The following SLC35D1 variants were observed in gnomAD, a reference collection of about 807,000 sequenced individuals.
SLC35D1 encodes nucleotide sugar transporter SLC35D1.
Under a neutral mutation model 46.7 loss-of-function variants are expected in SLC35D1, and 31 were observed. The observed-to-expected ratio is 0.66, with a 90% CI of 0.50 to 0.90. The LOEUF (loss-of-function observed/expected upper bound fraction) is 0.90. SLC35D1 is among the 40% of genes least tolerant of loss of function. The pLI is 0.00. For synonymous variants in SLC35D1, 195 were observed against 164.6 expected (o/e 1.18, Z -1.41); for missense variants, 397 against 426.2 (o/e 0.93, Z 0.60).
chr1:66,994,268 G>A, the SLC35D1 span, among the ~76,000 whole-genome samples: 7 of 152,262 alleles, frequency 4.6e-5, no homozygotes, highest in South Asian at 2.1e-4. Flanking sequence ...CACTATTAGC[G>A]CTGCAGCACC....
chr1:66,975,744 C>T, the SLC35D1 span, among the ~76,000 whole-genome samples: 1 of 151,964 alleles, frequency 6.6e-6, no homozygotes, highest in Non-Finnish European at 1.5e-5. Context: ...CACAGTAAGC[C>T]GCAAGAGTAA....
At position 67,009,134 on chromosome 1, in the gene SLC35D1, C is replaced by A; in HGVS notation, c.910G>T (p.Gly304Cys). 1 of 1,493,338 alleles carries A rather than the reference C, an allele frequency of 6.7e-7. No individual in the cohort carries two copies. The highest frequency in any genetic ancestry group is 9.3e-7 in the Non-Finnish European group (1 of 1,075,074). The allele number at this position is 1,493,338 out of a possible 1,614,324, so 92.5% of individuals were successfully genotyped here. ...ILITYIGMVF[G>C]GDYIFTWTNF... ...GTCCACGTGAAAATATAATCTCCACCAAAGACCATTCCAATATAAGTTATT... is the reference window on the plus strand; with the variant it reads ...GTCCACGTGAAAATATAATCTCCACAAAAGACCATTCCAATATAAGTTATT... Residue 304 changes from glycine to cysteine, a missense_variant, in exon 11 of 12, where the codon GGT (glycine) becomes TGT (cysteine). Physicochemically the swap from Gly to Cys is radical, Grantham distance 159. Transcript: ENST00000235345.
intron 10 of SLC35D1, among the ~76,000 whole-genome samples, chr1:67,012,148 G>C (rs1236632822): frequency 6.6e-6 from 1 of 152,148 alleles, no homozygotes; most frequent in African/African-American, 2.4e-5. Context: ...AGGACAGTCT[G>C]TCATAAAGTC....
At chr1:66,991,075 G>C in the SLC35D1 span, among the ~76,000 whole-genome samples, 1 of 152,172 alleles carries the variant, frequency 6.6e-6, no homozygotes, top group African/African-American at 2.4e-5. Context: ...GTTGCCCTTT[G>C]TACCGCTGCC....
chr1:66,990,193 T>C, the SLC35D1 span, among the ~76,000 whole-genome samples: 1 of 152,212 alleles, frequency 6.6e-6, no homozygotes, highest in Non-Finnish European at 1.5e-5. Flanking sequence ...TCCTTTGTTG[T>C]CTTATGCATT....
At chr1:66,977,321 G>T in the SLC35D1 span, among the ~76,000 whole-genome samples, 2 of 151,936 alleles carry the variant, frequency 1.3e-5, no homozygotes, top group African/African-American at 4.8e-5. Context: ...TGTTGACCAG[G>T]CTGGTCTTGA....
At chr1:66,987,014 C>T in the SLC35D1 span, 1 of 151,574 alleles carries the variant, frequency 6.6e-6, no homozygotes, top group Admixed American at 6.6e-5. Context: ...TTCTTGCAAA[C>T]TCTTACTACA....
chr1:67,023,485 CATT>C (rs1299103097), intron 8 of SLC35D1, among the ~76,000 whole-genome samples: 2 of 97,664 alleles, frequency 2.0e-5, no homozygotes, highest in African/African-American at 9.0e-5. Flanking sequence ...AATCTTTTGC[CATT>C]TTTTTTTTTT....
chr1:67,023,619 G>A (rs1289246795), intron 8 of SLC35D1, among the ~76,000 whole-genome samples: 1 of 151,734 alleles, frequency 6.6e-6, no homozygotes, highest in African/African-American at 2.4e-5. Context: ...CCGGGTAGCT[G>A]GGATTACAGG....
the SLC35D1 span, chr1:66,985,324 C>G: frequency 2.1e-5 from 21 of 985,244 alleles, no homozygotes; most frequent in Non-Finnish European, 2.5e-5. Flanking sequence ...CTGCTTAATA[C>G]CAATTTCTCT....
chr1:67,013,157 G>GATATATATATATATAT lies in SLC35D1; in HGVS notation c.877-3991_877-3990insATATATATATATATAT, dbSNP rs964691631. On this transcript the variant is annotated intron_variant, in intron 10 of 11. Coordinates refer to ENST00000235345, the MANE Select transcript of SLC35D1 (RefSeq NM_015139.3). ...ATAATTTAAGAACATATATCCTGGA[G>GATATATATATATATAT]ATATATATATATCCTGTTCTTAAAT... 3.7e-4 allele frequency among the ~76,000 whole-genome samples: 11 copies of GATATATATATATATAT among 29,830 alleles called. 1 individual carries two copies. The highest frequency in any genetic ancestry group is 1.9e-3 in the South Asian group (1 of 524). 19.6% of individuals were successfully genotyped at this position (29,830 alleles called of 152,430 possible). A position where few individuals can be genotyped will look rare whatever the true frequency, so the allele number is the denominator to read the frequency against.
chr1:67,020,479 T>C, intron 9 of SLC35D1, 32 bp from the exon 10 acceptor site: 4 of 1,455,334 alleles, frequency 2.7e-6, no homozygotes, highest in Non-Finnish European at 3.9e-6. Context: ...AAAATCCAGT[T>C]TCTCACTTTA....
chr1:67,004,185 T>C lies in SLC35D1; in HGVS notation c.*155A>G, dbSNP rs531648687. ...ATTATAAGTTTCTCTCTTCATAAAA[T>C]TTTAAAAGGCAGCAATCAATCCTCA... On this transcript the variant is annotated 3_prime_UTR_variant, in exon 12 of 12. Coordinates refer to ENST00000235345, the MANE Select transcript of SLC35D1 (RefSeq NM_015139.3). 158 of 678,860 alleles carry C rather than the reference T, an allele frequency of 2.3e-4. 1 individual carries two copies. The South Asian group carries it at 2.4e-3, about 10-fold the overall frequency. The allele number at this position is 678,860 out of a possible 1,614,324, so 42.1% of individuals were successfully genotyped here.
At chr1:67,020,474 C>A in intron 9 of SLC35D1, 27 bp from the exon 10 acceptor site, 1 of 1,499,878 alleles carries the variant, frequency 6.7e-7, no homozygotes, top group Non-Finnish European at 9.3e-7. Context: ...GGTATAAAAT[C>A]CAGTTTCTCA....
At chr1:67,039,404 T>A (rs1668192932) in intron 8 of SLC35D1, among the ~76,000 whole-genome samples, 1 of 152,178 alleles carries the variant, frequency 6.6e-6, no homozygotes, top group South Asian at 2.1e-4. Flanking sequence ...CTCCCATTCC[T>A]GTTCTACTTA....
chr1:67,008,566 A>C, intron 11 of SLC35D1: 1 of 725,200 alleles, frequency 1.4e-6, no homozygotes, highest in Non-Finnish European at 1.9e-6. Flanking sequence ...AATCTACTAA[A>C]TCTACTTTAT....
chr1:67,051,681 C>T (rs1389159562), intron 4 of SLC35D1, among the ~76,000 whole-genome samples: 2 of 152,064 alleles, frequency 1.3e-5, no homozygotes, highest in Non-Finnish European at 2.9e-5. Context: ...AACTGAAATC[C>T]CAGAAGCCTA....
chr1:67,053,102 C>T, intron 1 of SLC35D1, 113 bp from the exon 2 acceptor site: 1 of 1,233,806 alleles, frequency 8.1e-7, no homozygotes, highest in Non-Finnish European at 1.2e-6. Flanking sequence ...GCCACATCAA[C>T]GTCCGCCCCT....
chr1:67,015,217 A>C (rs1667659605), intron 10 of SLC35D1, among the ~76,000 whole-genome samples: 1 of 149,554 alleles, frequency 6.7e-6, no homozygotes, highest in South Asian at 2.1e-4. Flanking sequence ...AAAAGTTTTT[A>C]ATTAAAAAAA....
Sources: gnomAD v4.1 joint callset for allele counts (sites outside exome capture counted in the v4.1 genomes callset) on GRCh38, gnomAD v4.1.1 for gene constraint, MANE v1.5 for transcripts, NCBI Gene and HGNC (gene_info 2026-07-23, HGNC 2026-07-21) for gene names.